OSBP2: variants seen among roughly 807,000 people sequenced by gnomAD.
The protein encoded by OSBP2 is oxysterol-binding protein 2.
A neutral mutation model predicts 96.0 loss-of-function variants in OSBP2; 66 were observed. The ratio of observed to expected loss-of-function variants is 0.69; its 90% confidence interval spans 0.56 to 0.84. OSBP2 has a LOEUF of 0.84. OSBP2 is among the 40% of genes least tolerant of loss of function. OSBP2 has a pLI of 0.00. For synonymous variants in OSBP2, 525 were observed against 520.9 expected, an observed-to-expected ratio of 1.01 and a Z score of -0.11; for missense variants, 1,038 against 1,222.7, an observed-to-expected ratio of 0.85 and a Z score of 2.25.
At chr22:30,843,455 C>CG (rs763119538) in intron 2 of OSBP2, among the ~76,000 whole-genome samples, 233 of 150,364 alleles carry the variant, frequency 1.5e-3, no homozygotes, top group African/African-American at 5.5e-3. Context: ...CCCCCCTCCC[C>CG]CTTGAGCAAT....
intron 2 of OSBP2, among the ~76,000 whole-genome samples, chr22:30,831,491 A>C (rs994183764): frequency 6.6e-6 from 1 of 152,146 alleles, no homozygotes; most frequent in Non-Finnish European, 1.5e-5. Flanking sequence ...GCACCGATCC[A>C]CTGTCCTTGG....
rs2040338081 is a variant in OSBP2 at position 30,906,355 on chromosome 22, C to A, written c.*16C>A. 1 of 1,586,248 alleles carries A rather than the reference C, an allele frequency of 6.3e-7. No individual in the cohort carries two copies. Among genetic ancestry groups the A allele is most frequent in the African/African-American group, 1.3e-5 (1 of 74,226 alleles). ...CATCTTCTGAGCGCCACCCTTGCAA[C>A]AAATACAGGCGCCTGCACAGCCTGG... On this transcript the variant is annotated 3_prime_UTR_variant, in exon 14 of 14. Coordinates refer to ENST00000332585, the MANE Select transcript of OSBP2 (RefSeq NM_030758.4).
rs2090154815 is a variant in OSBP2 at position 30,757,374 on chromosome 22, C to T, written c.853+16005C>T. ...AGTGCCAGCTTCAAAGGGTGATTTT[C>T]TCCCTCTTGCTGGGGGACTTGGTTT... On this transcript the variant is annotated intron_variant, in intron 2 of 13. Transcript: ENST00000332585. 1.3e-5 allele frequency among the ~76,000 whole-genome samples: 2 copies of T among 152,020 alleles called. 1 individual carries two copies. Among genetic ancestry groups the T allele is most frequent in the South Asian group, 4.1e-4 (2 of 4,824 alleles).
chr22:30,726,853 C>T (rs2089659749), intron 1 of OSBP2, among the ~76,000 whole-genome samples: 1 of 152,158 alleles, frequency 6.6e-6, no homozygotes, highest in Non-Finnish European at 1.5e-5. Context: ...GAGTGACAGC[C>T]TCATCTCCGA....
At chr22:30,701,344 C>CTTTTTTTTTTTT (rs1228654999) in intron 1 of OSBP2, among the ~76,000 whole-genome samples, 6 of 127,960 alleles carry the variant, frequency 4.7e-5, no homozygotes, top group Admixed American at 8.9e-5. Flanking sequence ...TTTTTCTTTT[C>CTTTTTTTTTTTT]TTTTTTTTTT....
chr22:30,776,115 C>CTTTTTT (rs66689098), intron 2 of OSBP2, among the ~76,000 whole-genome samples: 1 of 139,508 alleles, frequency 7.2e-6, no homozygotes. Flanking sequence ...TTTTTCTTTT[C>CTTTTTT]TTTTTTTTTT....
chr22:30,890,293 C>T lies in OSBP2; in HGVS notation c.1624-435C>T, dbSNP rs2039915698. ...CCCTATGTGACACCGAGATAGGGGCCTTGGGCCTAACCCATCCTGTGCCGG... is the reference window on the plus strand; with the variant it reads ...CCCTATGTGACACCGAGATAGGGGCTTTGGGCCTAACCCATCCTGTGCCGG... On this transcript the variant is annotated intron_variant, in intron 7 of 13. Coordinates refer to ENST00000332585, the MANE Select transcript of OSBP2 (RefSeq NM_030758.4). This position sits in a 1 kb window ranked among gnomAD's most constrained non-coding sequence, Gnocchi z 4.4. 6.6e-6 allele frequency among the ~76,000 whole-genome samples: 1 copy of T among 152,108 alleles called. No individual in the cohort carries two copies. Among genetic ancestry groups the T allele is most frequent in the Non-Finnish European group, 1.5e-5 (1 of 68,008 alleles).
intron 2 of OSBP2, among the ~76,000 whole-genome samples, chr22:30,742,409 C>CAAAA (rs765469159): frequency 7.6e-6 from 1 of 130,828 alleles, no homozygotes. Flanking sequence ...GACTCTGTCT[C>CAAAA]AAAAAAAAAA....
chr22:30,758,733 C>T (rs1281649734), intron 2 of OSBP2, among the ~76,000 whole-genome samples: 1 of 152,038 alleles, frequency 6.6e-6, no homozygotes, highest in Non-Finnish European at 1.5e-5. Flanking sequence ...AGCTCTGGGC[C>T]CAAGAAGTGA....
chr22:30,903,892 G>A (rs768128318), intron 12 of OSBP2, among the ~76,000 whole-genome samples: 3 of 152,208 alleles, frequency 2.0e-5, no homozygotes, highest in Non-Finnish European at 4.4e-5. Flanking sequence ...CTTGATAAAT[G>A]AAATTGTACT....
intron 3 of OSBP2, among the ~76,000 whole-genome samples, chr22:30,887,107 G>T (rs1045069752): frequency 1.3e-5 from 2 of 152,184 alleles, no homozygotes; most frequent in African/African-American, 4.8e-5. Flanking sequence ...TGTTGCCATG[G>T]CATCTGTGAA....
intron 9 of OSBP2, 42 bp downstream of exon 9, chr22:30,893,284 G>C (rs1301320070): frequency 6.2e-7 from 1 of 1,613,022 alleles, no homozygotes; most frequent in African/African-American, 1.3e-5. Context: ...CAGAGACATT[G>C]TGCATAAGAG....
intron 3 of OSBP2, among the ~76,000 whole-genome samples, chr22:30,878,240 A>T (rs2039625910): frequency 6.6e-6 from 1 of 152,226 alleles, no homozygotes; most frequent in Admixed American, 6.5e-5. Flanking sequence ...AGGCCAAATA[A>T]AATGATCCCA....
At chr22:30,694,286 G>A, upstream of OSBP2, 1 of 1,549,756 alleles carries the variant, frequency 6.5e-7, no homozygotes, top group Non-Finnish European at 8.7e-7. Context: ...AGGTGGAGGC[G>A]GTGAGGCGGC....
chr22:30,722,122 C>T (rs1452772426), intron 1 of OSBP2, among the ~76,000 whole-genome samples: 3 of 152,190 alleles, frequency 2.0e-5, no homozygotes, highest in Non-Finnish European at 4.4e-5. Flanking sequence ...TGCCAGCTCC[C>T]AGCTTCTTGT....
intron 1 of OSBP2, among the ~76,000 whole-genome samples, chr22:30,733,321 C>T (rs899529195): frequency 1.3e-5 from 2 of 152,214 alleles, no homozygotes; most frequent in African/African-American, 4.8e-5. Context: ...CTGTAAGGCT[C>T]ACAGAGGCCA....
chr22:30,736,545 T>C (rs2089858588), intron 1 of OSBP2, among the ~76,000 whole-genome samples: 1 of 152,196 alleles, frequency 6.6e-6, no homozygotes, highest in African/African-American at 2.4e-5. Flanking sequence ...GCTGTGACCC[T>C]GAGAAGGTGA....
At chr22:30,832,383 C>T (rs1259548258) in intron 2 of OSBP2, among the ~76,000 whole-genome samples, 2 of 152,002 alleles carry the variant, frequency 1.3e-5, no homozygotes, top group African/African-American at 4.8e-5. Flanking sequence ...CTCGACCTCC[C>T]CATCTCAAGC....
chr22:30,811,702 C>T (rs1393842811), intron 2 of OSBP2, among the ~76,000 whole-genome samples: 2 of 151,172 alleles, frequency 1.3e-5, no homozygotes, highest in Non-Finnish European at 3.0e-5. Flanking sequence ...TTACAGGCGC[C>T]CACCACCACA....
Sources: allele counts gnomAD v4.1 joint callset (sites outside exome capture counted in the v4.1 genomes callset), GRCh38; gene constraint gnomAD v4.1.1; non-coding constraint Gnocchi (gnomAD v3.1); transcripts MANE v1.5; gene names NCBI Gene and HGNC (gene_info 2026-07-23, HGNC 2026-07-21).